The following INPPL1 variants were observed in gnomAD, a reference collection of about 807,000 sequenced individuals.
INPPL1 encodes inositol polyphosphate phosphatase like 1.
In INPPL1, 91 loss-of-function variants were observed where a neutral mutation model predicts 139.3. The observed-to-expected ratio is 0.65, with a 90% confidence interval of 0.55 to 0.78. The LOEUF (loss-of-function observed/expected upper bound fraction) is 0.78, where lower values mean the gene tolerates loss of function less well. INPPL1 is among the 30% of genes least tolerant of loss of function. INPPL1 has a pLI of 0.00. For missense variants in INPPL1, 1,411 were observed against 1,665.6 expected, an observed-to-expected ratio of 0.85 and a Z score of 2.66; for synonymous variants, 719 against 686.6, an observed-to-expected ratio of 1.05 and a Z score of -0.74.
At position 72,233,536 on chromosome 11, in the gene INPPL1, G is replaced by A. The variant is rs780407007; in HGVS notation, c.2122+14G>A. On this transcript the variant is annotated intron_variant, in intron 18 of 27. Transcript: ENST00000298229. ...GCAATTCTTATGGTCAGAGCCTCCCGGACAGAGTGATGGGAGATCTGGGGT... is the reference window on the plus strand; with the variant it reads ...GCAATTCTTATGGTCAGAGCCTCCCAGACAGAGTGATGGGAGATCTGGGGT... 1.3e-5 allele frequency: 21 copies of A among 1,612,394 alleles called. No individual in the cohort carries two copies. The highest frequency in any genetic ancestry group is 8.0e-5 in the African/African-American group (6 of 74,990).
chr11:72,232,415 C>G, intron 14 of INPPL1, 79 bp downstream of exon 14: 1 of 1,341,060 alleles, frequency 7.5e-7, no homozygotes, highest in Non-Finnish European at 1.0e-6. Context: ...ATACCCTAGC[C>G]CATGACCCTC....
intron 6 of INPPL1, 30 bp downstream of exon 6, chr11:72,229,588 C>A (rs367992744): frequency 6.2e-7 from 1 of 1,611,952 alleles, no homozygotes; most frequent in Admixed American, 1.7e-5. Context: ...CTGGGAGGTG[C>A]GTTCGTGTTC....
chr11:72,237,404 C>G lies in INPPL1; in HGVS notation c.3160C>G (p.Pro1054Ala), dbSNP rs374103936. ...AGGCACACTGCCCCCTCCAGACTTT[C>G]CACCTCCACCACTGCCGGACTCAGC... is the stretch of plus-strand genomic sequence containing the variant. The part of the protein sequence containing the change: ...SGGTLPPPDF[P>A]PPPLPDSAIF... The change falls in exon 26 of 28, where the codon CCA becomes GCA. Residue 1054 changes from proline (P) to alanine (A), a missense_variant. Physicochemically the swap from Pro to Ala is conservative, Grantham distance 27 (BLOSUM62 -1). Transcript: ENST00000298229. 9.9e-6 allele frequency: 16 copies of G among 1,612,894 alleles called. No individual in the cohort carries two copies. The African/African-American group carries it at 1.6e-4, about 16-fold the overall frequency.
Position 72,229,575 on chromosome 11 carries a change from C to T in INPPL1, c.753+17C>T. On this transcript the variant is annotated intron_variant, in intron 6 of 27. Transcript: ENST00000298229. ...CAGCAGCAGGTAGATTGTAGGGAGA[C>T]CTCTGGGAGGTGCGTTCGTGTTCTG... 6.2e-7 allele frequency: 1 copy of T among 1,613,538 alleles called. No individual in the cohort carries two copies.
chr11:72,225,409 G>A (rs1189502747), intron 1 of INPPL1: 4 of 985,438 alleles, frequency 4.1e-6, no homozygotes, highest in East Asian at 1.1e-4. Context: ...CTGTGGCCCA[G>A]TGTGACTGTG....
chr11:72,233,832 A>G, intron 19 of INPPL1, 88 bp downstream of exon 19: 1 of 1,052,498 alleles, frequency 9.5e-7, no homozygotes, highest in Non-Finnish European at 1.5e-6. Flanking sequence ...TTGACTATGT[A>G]AGTGTGTGTG....
At chr11:72,232,525 C>T in intron 14 of INPPL1, 101 bp from the exon 15 acceptor site, 2 of 1,450,486 alleles carry the variant, frequency 1.4e-6, no homozygotes, top group African/African-American at 2.8e-5. Flanking sequence ...GATCTTTACC[C>T]CATCCCTGAC....
rs1948745710 is a variant in INPPL1, at chr11:72,228,743, G to A, written c.414G>A (p.Lys138=). The part of the protein sequence containing the change: ...DRDASDGEDE[K]PPLPPRSGST... ...TGCCCACAGATGGGGAGGATGAGAAGCCCCCGCTGCCCCCGCGCTCTGGCT... is the reference window on the plus strand; with the variant it reads ...TGCCCACAGATGGGGAGGATGAGAAACCCCCGCTGCCCCCGCGCTCTGGCT... Residue 138 remains lysine (K), a synonymous_variant, in exon 4 of 28, where the codon AAG becomes AAA. Coordinates refer to ENST00000298229, the MANE Select transcript of INPPL1 (RefSeq NM_001567.4). This position sits in a 1 kb window ranked among gnomAD's most constrained non-coding sequence, Gnocchi z 5.0. 1 of 1,605,892 alleles carries A rather than the reference G, an allele frequency of 6.2e-7. No homozygotes were observed. Among genetic ancestry groups the A allele is most frequent in the Middle Eastern group, 1.7e-4 (1 of 5,984 alleles).
Position 72,238,076 on chromosome 11 carries a change from TG to T in INPPL1, c.3590del (p.Gly1197AlafsTer5). 1.3e-6 allele frequency: 2 copies of T among 1,572,616 alleles called. No homozygotes were observed. Among genetic ancestry groups the T allele is most frequent in the Non-Finnish European group, 1.7e-6 (2 of 1,159,372 alleles). On this transcript the variant is annotated frameshift_variant, in exon 27 of 28. Coordinates refer to ENST00000298229, the MANE Select transcript of INPPL1 (RefSeq NM_001567.4). LOFTEE classifies it high-confidence loss of function. The stretch of plus-strand genomic sequence containing the variant: ...CTGCAGGGCGGGCGGGCCAGCGGGC[TG>T]GGCGAGGCAGGCATGAGTGCCTGGC... ...PCLQGGRASG[L>X]GEAGMSAWLR... is the part of the protein sequence containing the mutation.
In INPPL1 at chr11:72,238,078, G is replaced by A; in HGVS notation, c.3589G>A (p.Gly1197Ser). The A allele has an allele frequency of 6.4e-7, 1 of 1,574,750 alleles. No individual in the cohort carries two copies. Among genetic ancestry groups the A allele is most frequent in the East Asian group, 2.3e-5 (1 of 44,314 alleles). ...CLQGGRASGL[G>S]EAGMSAWLRA... ...GCAGGGCGGGCGGGCCAGCGGGCTG[G>A]GCGAGGCAGGCATGAGTGCCTGGCT... Residue 1197 changes from glycine to serine, a missense_variant, in exon 27 of 28, where the codon GGC becomes AGC. Coordinates refer to ENST00000298229, the MANE Select transcript of INPPL1 (RefSeq NM_001567.4).
At position 72,232,777 on chromosome 11, in the gene INPPL1, C is replaced by A. The variant is rs201479526; in HGVS notation, c.1851+13C>A. The A allele has an allele frequency of 4.3e-6, 7 of 1,613,988 alleles. No homozygotes were observed. The highest frequency in any genetic ancestry group is 2.7e-5 in the African/African-American group (2 of 75,002). ...CATGGATATCCAGGTGCGAGCAGGG[C>A]CCTGCCATGGCTGTAGGGAGGCTAA... On this transcript the variant is annotated intron_variant, in intron 15 of 27. Coordinates refer to ENST00000298229, the MANE Select transcript of INPPL1 (RefSeq NM_001567.4).
Position 72,238,159 on chromosome 11 carries a change from G to A in INPPL1, c.3670G>A (p.Asp1224Asn), listed in dbSNP as rs1198710450. The A allele has an allele frequency of 1.9e-6, 3 of 1,598,278 alleles. No individual in the cohort carries two copies. Among genetic ancestry groups the A allele is most frequent in the Admixed American group, 1.7e-5 (1 of 57,908 alleles). The change falls in exon 27 of 28, where the codon GAC (aspartate) becomes AAC (asparagine). Residue 1224 changes from aspartate (D) to asparagine (N), a missense_variant. By Grantham distance (23) the Asp-to-Asn change is conservative (BLOSUM62 1). This residue lies in a region of INPPL1 where 438 missense variants were observed against 425.7 expected (regional missense o/e 1.03). Coordinates refer to ENST00000298229, the MANE Select transcript of INPPL1 (RefSeq NM_001567.4). ...GGGCCTGGTGCATAATGGCTGGGACGACCTGGAGTTTCTCAGGTGGGGGAG... is the reference window on the plus strand; with the variant it reads ...GGGCCTGGTGCATAATGGCTGGGACAACCTGGAGTTTCTCAGGTGGGGGAG... Reference protein sequence around the residue: ...EEGLVHNGWDDLEFLSDITEE... With the variant: ...EEGLVHNGWDNLEFLSDITEE...
chr11:72,228,495 T>A lies in INPPL1; in HGVS notation c.394T>A (p.Ser132Thr), dbSNP rs749225658. Reference sequence around the variant, plus strand: ...GGACCCACCGGATGACCGGGATGCCTCAGGTACTTCCCAGTGTGCAGGTCC... The same window carrying A: ...GGACCCACCGGATGACCGGGATGCCACAGGTACTTCCCAGTGTGCAGGTCC... Reference protein sequence around the residue: ...EPDPPDDRDASDGEDEKPPLP... With the variant: ...EPDPPDDRDATDGEDEKPPLP... The change falls in exon 3 of 28, where the codon TCA (serine) becomes ACA (threonine). Residue 132 changes from serine (S) to threonine (T), a missense_variant. Physicochemically the swap from Ser to Thr is moderately conservative, Grantham distance 58. Around this residue, in one of 5 missense-constraint regions of INPPL1, gnomAD observed 504 missense variants for 595.6 expected, o/e 0.85. Coordinates refer to ENST00000298229, the MANE Select transcript of INPPL1 (RefSeq NM_001567.4). The surrounding 1 kb of genome is among the most constrained non-coding windows in gnomAD (Gnocchi z 5.0). 5 of 1,605,854 alleles carry A rather than the reference T, an allele frequency of 3.1e-6. No homozygotes were observed. The highest frequency in any genetic ancestry group is 4.2e-6 in the Non-Finnish European group (5 of 1,179,926).
intron 1 of INPPL1, chr11:72,225,457 C>T: frequency 1.0e-6 from 1 of 985,414 alleles, no homozygotes; most frequent in Non-Finnish European, 1.2e-6. Context: ...CAGACCCCTT[C>T]AGGCATCCTC....
At chr11:72,231,228 A>T in intron 12 of INPPL1, 39 bp downstream of exon 12, 1 of 1,565,334 alleles carries the variant, frequency 6.4e-7, no homozygotes, top group Non-Finnish European at 8.7e-7. Flanking sequence ...CTGTCCTCAC[A>T]CACCACCTCC....
chr11:72,227,408 T>A (rs1478643248), intron 1 of INPPL1, among the ~76,000 whole-genome samples: 1 of 152,174 alleles, frequency 6.6e-6, no homozygotes, highest in Non-Finnish European at 1.5e-5. Flanking sequence ...CAGATAGTGT[T>A]TGTAATAGTC....
chr11:72,233,691 C>G lies in INPPL1; in HGVS notation c.2159C>G (p.Pro720Arg). Residue 720 changes from proline (P) to arginine (R), a missense_variant, in exon 19 of 28, where the codon CCC (proline) becomes CGC (arginine). Coordinates refer to ENST00000298229, the MANE Select transcript of INPPL1 (RefSeq NM_001567.4). ...GACATCGTCACCAGCGACCATTCCC[C>G]CGTGTTTGGGACATTTGAGGTTGGA... is the stretch of plus-strand genomic sequence containing the variant. ...TDDIVTSDHS[P>R]VFGTFEVGVT... The G allele has an allele frequency of 6.2e-7, 1 of 1,614,158 alleles. No homozygotes were observed. Among genetic ancestry groups the G allele is most frequent in the Non-Finnish European group, 8.5e-7 (1 of 1,180,032 alleles).
rs558614206 is a variant in INPPL1 at position 72,238,164 on chromosome 11, G to T, written c.3675G>T (p.Leu1225=). 1.2e-6 allele frequency: 2 copies of T among 1,601,568 alleles called. No homozygotes were observed. Among genetic ancestry groups the T allele is most frequent in the East Asian group, 4.5e-5 (2 of 44,752 alleles). The change falls in exon 27 of 28, where the codon CTG becomes CTT. Residue 1225 remains leucine, a synonymous_variant. Coordinates refer to ENST00000298229, the MANE Select transcript of INPPL1 (RefSeq NM_001567.4). ...EGLVHNGWDD[L]EFLSDITEED... ...TGGTGCATAATGGCTGGGACGACCT[G>T]GAGTTTCTCAGGTGGGGGAGGGGCT...
Position 72,238,572 on chromosome 11 carries a change from G to C in INPPL1, c.*219G>C, listed in dbSNP as rs1949069365. ...CTCGCCTTTTAGGCTCAGGACGGAA[G>C]GTCAGTTGCCATGGTTACCGAGGAC... On this transcript the variant is annotated 3_prime_UTR_variant, in exon 28 of 28. Transcript: ENST00000298229. The C allele has an allele frequency of 2.4e-6, 1 of 419,954 alleles. No homozygotes were observed. The highest frequency in any genetic ancestry group is 2.1e-5 in the African/African-American group (1 of 48,402). The allele number at this position is 419,954 out of a possible 1,614,324, so 26.0% of individuals were successfully genotyped here. A position where few individuals can be genotyped will look rare whatever the true frequency, so the allele number is the denominator to read the frequency against.
Sources: allele counts gnomAD v4.1 joint callset (sites outside exome capture counted in the v4.1 genomes callset), GRCh38; gene constraint gnomAD v4.1.1; regional missense constraint gnomAD v4.1.1; non-coding constraint Gnocchi (gnomAD v3.1); transcripts MANE v1.5; gene names NCBI Gene and HGNC (gene_info 2026-07-23, HGNC 2026-07-21).